The following OIT3 variants were observed in gnomAD, a reference collection of about 807,000 sequenced individuals.
OIT3 encodes the protein oncoprotein-induced transcript 3 protein.
OIT3 carries 41 observed loss-of-function variants against 52.2 expected under a neutral mutation model. The observed-to-expected ratio is 0.79, with a 90% CI of 0.61 to 1.02. OIT3 has a LOEUF of 1.02. Ranked by LOEUF, OIT3 falls within the 50% of genes least tolerant of loss-of-function variation. The probability of loss-of-function intolerance (pLI) is 0.00; values close to 1 mark genes in which losing one functional copy is unlikely to be tolerated. For synonymous variants in OIT3, 244 were observed against 276.9 expected (o/e 0.88, Z 1.18); for missense variants, 634 against 715.5 (o/e 0.89, Z 1.30).
At chr10:72,900,301 G>A (rs145062197) in intron 2 of OIT3, 76 bp from the exon 3 acceptor site, 17,181 of 337,170 alleles carry the variant, frequency 0.051, 386 homozygotes, top group Non-Finnish European at 0.072. Context: ...CCGACCCCCC[G>A]CACCATCTCT....
Position 72,899,797 on chromosome 10 carries a change from G to A in OIT3, c.437-580G>A, listed in dbSNP as rs554246992. 3.3e-5 allele frequency among the ~76,000 whole-genome samples: 5 copies of A among 152,132 alleles called. No individual in the cohort carries two copies. In the East Asian group the frequency reaches 9.7e-4, roughly 29 times the overall value. On this transcript the variant is annotated intron_variant, in intron 2 of 8. Coordinates refer to ENST00000334011, the MANE Select transcript of OIT3 (RefSeq NM_152635.3). ...TCAGACATCCATGTGATTGGATTGT[G>A]TTTAGTGTCCACTGATTTTTTTAAG...
chr10:72,930,318 A>G (rs1189148958), intron 7 of OIT3, among the ~76,000 whole-genome samples: 3 of 152,248 alleles, frequency 2.0e-5, no homozygotes, highest in African/African-American at 7.2e-5. Context: ...TTGTGGGTAC[A>G]GCAAATGATA....
intron 1 of OIT3, 39 bp downstream of exon 1, chr10:72,893,898 T>C: frequency 6.6e-7 from 1 of 1,513,036 alleles, no homozygotes; most frequent in African/African-American, 1.4e-5. Context: ...ATGCACTTTT[T>C]GTTGTGGCAA....
intron 7 of OIT3, among the ~76,000 whole-genome samples, chr10:72,926,294 C>A (rs753249541): frequency 6.6e-6 from 1 of 152,198 alleles, no homozygotes; most frequent in Non-Finnish European, 1.5e-5. Context: ...CAATCTCTTG[C>A]GCAGTGATAT....
intron 8 of OIT3, 82 bp downstream of exon 8, chr10:72,930,719 C>G: frequency 1.2e-6 from 1 of 840,828 alleles, no homozygotes; most frequent in Non-Finnish European, 1.9e-6. Context: ...TGTTGACATT[C>G]CAAGAGCCCA....
At chr10:72,912,656 A>G (rs1380803000) in intron 5 of OIT3, among the ~76,000 whole-genome samples, 1 of 152,124 alleles carries the variant, frequency 6.6e-6, no homozygotes, top group Non-Finnish European at 1.5e-5. Context: ...TTCTTTGCAC[A>G]ATACCATTGT....
At chr10:72,931,566 G>A (rs547994211) in intron 8 of OIT3, among the ~76,000 whole-genome samples, 3 of 152,078 alleles carry the variant, frequency 2.0e-5, no homozygotes, top group African/African-American at 7.2e-5. Flanking sequence ...TTACAAGGGG[G>A]TAAAAGAAAA....
chr10:72,894,015 G>A (rs1225758346), intron 1 of OIT3, among the ~76,000 whole-genome samples, 156 bp downstream of exon 1: 3 of 152,180 alleles, frequency 2.0e-5, no homozygotes, highest in Admixed American at 6.5e-5. Flanking sequence ...TAGATTTCCC[G>A]AGAATTTCTG....
Position 72,930,578 on chromosome 10 carries a change from G to A in OIT3, c.1408G>A (p.Asp470Asn), listed in dbSNP as rs149032084. The change falls in exon 8 of 9, where the codon GAT (aspartate) becomes AAT (asparagine). Residue 470 changes from aspartate (D) to asparagine (N), a missense_variant. Coordinates refer to ENST00000334011, the MANE Select transcript of OIT3 (RefSeq NM_152635.3). ...DDSVKQYTSR[D>N]HLAKHFQVPV... Reference sequence around the variant, plus strand: ...CTCGGTAAAGCAGTACACATCCCGGGATCACCTAGCAAAGCACTTCCAGGT... The same window carrying A: ...CTCGGTAAAGCAGTACACATCCCGGAATCACCTAGCAAAGCACTTCCAGGT... 2 of 1,613,656 alleles carry A rather than the reference G, an allele frequency of 1.2e-6. No individual in the cohort carries two copies. The highest frequency in any genetic ancestry group is 1.7e-6 in the Non-Finnish European group (2 of 1,179,840).
intron 2 of OIT3, among the ~76,000 whole-genome samples, chr10:72,899,703 TGATAGATAGATA>T (rs373777568): frequency 0.07 from 10,082 of 144,888 alleles, 377 homozygotes; most frequent in African/African-American, 0.088. Context: ...GATAGATAGA[TGATAGATAGATA>T]GATAGATAGA....
intron 8 of OIT3, 142 bp downstream of exon 8, chr10:72,930,779 G>A (rs1461466229): frequency 1.8e-5 from 11 of 610,196 alleles, no homozygotes; most frequent in East Asian, 2.8e-5. Flanking sequence ...ACTGGCCATC[G>A]AGAAGCTTAA....
In OIT3 at chr10:72,904,957, G is replaced by A. The variant is rs1319928661; in HGVS notation, c.545-1639G>A. Among the ~76,000 whole-genome samples, 4 of 152,180 alleles carry A rather than the reference G, an allele frequency of 2.6e-5. No individual in the cohort carries two copies. In the East Asian group the frequency reaches 5.8e-4, roughly 22 times the overall value. On this transcript the variant is annotated intron_variant, in intron 3 of 8. Transcript: ENST00000334011. ...GCCTCAGGCTGCTCCCACTCATGGA[G>A]GAAGGTGAAGGGTGCTGGCATGTGC...
At position 72,909,217 on chromosome 10, in the gene OIT3, C is replaced by G. The variant is rs377724139; in HGVS notation, c.667+2499C>G. On this transcript the variant is annotated intron_variant, in intron 4 of 8. Coordinates refer to ENST00000334011, the MANE Select transcript of OIT3 (RefSeq NM_152635.3). ...TCACTGTAGCTTCCACCTGCCTGGG[C>G]TAAGGTGATCCTCCCACCTCAGCCT... is the stretch of plus-strand genomic sequence containing the variant. 4.7e-4 allele frequency among the ~76,000 whole-genome samples: 71 copies of G among 150,260 alleles called. No individual in the cohort carries two copies. In the South Asian group the frequency reaches 0.014, roughly 29 times the overall value.
chr10:72,932,540 C>A lies in OIT3; in HGVS notation c.*16C>A. On this transcript the variant is annotated 3_prime_UTR_variant, in exon 9 of 9. Transcript: ENST00000334011. ...GGAGGACTAGTTCGTAGCCATACCTCGAGTCCCTGCATTGGACGGCTCTGC... is the reference window on the plus strand; with the variant it reads ...GGAGGACTAGTTCGTAGCCATACCTAGAGTCCCTGCATTGGACGGCTCTGC... The A allele has an allele frequency of 6.3e-7, 1 of 1,577,654 alleles. No homozygotes were observed. The highest frequency in any genetic ancestry group is 8.6e-7 in the Non-Finnish European group (1 of 1,161,816).
At chr10:72,898,186 C>T (rs997582189) in intron 1 of OIT3, among the ~76,000 whole-genome samples, 4 of 151,766 alleles carry the variant, frequency 2.6e-5, no homozygotes, top group African/African-American at 9.7e-5. Flanking sequence ...ACTTCAGAGG[C>T]TGGGTGGGGA....
chr10:72,917,409 C>T (rs1265980668), intron 6 of OIT3, among the ~76,000 whole-genome samples: 1 of 152,074 alleles, frequency 6.6e-6, no homozygotes, highest in Non-Finnish European at 1.5e-5. Context: ...GATGTCCTAT[C>T]ATAACATTCC....
At chr10:72,924,684 A>G (rs1846153997) in intron 7 of OIT3, 40 bp downstream of exon 7, 1 of 1,494,692 alleles carries the variant, frequency 6.7e-7, no homozygotes, top group Admixed American at 2.1e-5. Flanking sequence ...CCCCTAGTTC[A>G]CATCCGGCCT....
chr10:72,904,432 C>G (rs1233962943), intron 3 of OIT3, among the ~76,000 whole-genome samples: 2 of 152,138 alleles, frequency 1.3e-5, no homozygotes, highest in Non-Finnish European at 2.9e-5. Flanking sequence ...CGGATGTCAC[C>G]ATGTCTACAT....
intron 6 of OIT3, among the ~76,000 whole-genome samples, chr10:72,914,580 T>C (rs1846058381): frequency 6.6e-6 from 1 of 152,184 alleles, no homozygotes; most frequent in Non-Finnish European, 1.5e-5. Context: ...ACATGGTAGG[T>C]TGGTACTATT....
Sources: gnomAD v4.1 joint callset for allele counts (sites outside exome capture counted in the v4.1 genomes callset) on GRCh38, gnomAD v4.1.1 for gene constraint, MANE v1.5 for transcripts, NCBI Gene and HGNC (gene_info 2026-07-23, HGNC 2026-07-21) for gene names.